BLTP1: variants seen among roughly 807,000 people sequenced by gnomAD.
BLTP1 encodes the protein fragile site-associated protein.
chr4:122,280,962 T>C, the BLTP1 span, among the ~76,000 whole-genome samples: 1 of 152,096 alleles, frequency 6.6e-6, no homozygotes, highest in African/African-American at 2.4e-5. Context: ...ATCAGTAGAG[T>C]GTAGTAGTTG....
the BLTP1 span, chr4:122,227,615 G>A: frequency 1.1e-5 from 3 of 277,804 alleles, no homozygotes; most frequent in South Asian, 1.4e-4. Context: ...TTGTTCTTCT[G>A]CTATACAAAT....
At chr4:122,242,766 A>G in the BLTP1 span, among the ~76,000 whole-genome samples, 1 of 152,186 alleles carries the variant, frequency 6.6e-6, no homozygotes, top group Admixed American at 6.5e-5. Context: ...CTTGCTTTTA[A>G]GTTTCAGTTA....
At chr4:122,332,855 C>G in the BLTP1 span, among the ~76,000 whole-genome samples, 5 of 118,252 alleles carry the variant, frequency 4.2e-5, no homozygotes, top group Non-Finnish European at 6.9e-5. Context: ...TGTTCAATTC[C>G]CACCTATGAG....
the BLTP1 span, chr4:122,309,592 C>G: frequency 1.1e-6 from 1 of 929,646 alleles, no homozygotes. Flanking sequence ...AGGGCTATTT[C>G]TAGTTACAGG....
chr4:122,296,524 A>G, the BLTP1 span, among the ~76,000 whole-genome samples: 1 of 152,366 alleles, frequency 6.6e-6, no homozygotes, highest in East Asian at 1.9e-4. Context: ...TGTTATTCCC[A>G]TTAAACTACC....
the BLTP1 span, chr4:122,356,524 G>T: frequency 8.0e-7 from 1 of 1,257,432 alleles, no homozygotes. Flanking sequence ...TTTCTTTACA[G>T]TTGCATTTCA....
the BLTP1 span, chr4:122,197,631 A>T: frequency 2.1e-5 from 4 of 190,668 alleles, no homozygotes; most frequent in Non-Finnish European, 3.9e-5. Flanking sequence ...CCTGTACCAG[A>T]CGTTTGGGCA....
chr4:122,199,795 C>G, the BLTP1 span: 1 of 386,932 alleles, frequency 2.6e-6, no homozygotes, highest in Non-Finnish European at 3.5e-6. Flanking sequence ...GTTTTCTAGC[C>G]CCGCTGGATT....
chr4:122,195,706 T>G, the BLTP1 span: 1 of 774,906 alleles, frequency 1.3e-6, no homozygotes, highest in African/African-American at 1.9e-5. Flanking sequence ...TTCTCTATCC[T>G]TAATATTCTT....
the BLTP1 span, chr4:122,222,837 G>A: frequency 9.5e-6 from 2 of 210,982 alleles, no homozygotes; most frequent in African/African-American, 4.7e-5. Flanking sequence ...CAGGGCTTCA[G>A]ACTTGAACAT....
chr4:122,192,454 C>A, the BLTP1 span: 2 of 1,007,556 alleles, frequency 2.0e-6, no homozygotes, highest in South Asian at 2.0e-5. Flanking sequence ...TAAAAGCTAG[C>A]TTAAAATTTT....
the BLTP1 span, among the ~76,000 whole-genome samples, chr4:122,330,257 C>G: frequency 2.0e-5 from 3 of 151,784 alleles, no homozygotes; most frequent in African/African-American, 7.3e-5. Flanking sequence ...AGTGGGATCT[C>G]TGGATCATGT....
At chr4:122,166,370 G>A in the BLTP1 span, among the ~76,000 whole-genome samples, 5 of 152,306 alleles carry the variant, frequency 3.3e-5, no homozygotes, top group South Asian at 8.3e-4. Flanking sequence ...GTTTGTCAAA[G>A]TTCAAATAGT....
At chr4:122,265,842 C>G in the BLTP1 span, among the ~76,000 whole-genome samples, 2 of 151,930 alleles carry the variant, frequency 1.3e-5, no homozygotes, top group African/African-American at 4.8e-5. Context: ...GGAATACAGG[C>G]ACCCGCCACT....
the BLTP1 span, chr4:122,263,205 G>T: frequency 1.0e-6 from 1 of 985,018 alleles, no homozygotes; most frequent in African/African-American, 1.7e-5. Context: ...GAATGTCAAT[G>T]TAGGCATTTG....
the BLTP1 span, chr4:122,250,420 T>G: frequency 1.2e-6 from 2 of 1,613,854 alleles, no homozygotes; most frequent in East Asian, 4.5e-5. Flanking sequence ...GTAAAGCTAG[T>G]GACACAGAAA....
At chr4:122,173,652 T>G in the BLTP1 span, among the ~76,000 whole-genome samples, 2 of 152,210 alleles carry the variant, frequency 1.3e-5, no homozygotes, top group Non-Finnish European at 2.9e-5. Flanking sequence ...GAAATTTACC[T>G]TTGTTTCATG....
At chr4:122,217,871 A>T in the BLTP1 span, among the ~76,000 whole-genome samples, 1 of 152,006 alleles carries the variant, frequency 6.6e-6, no homozygotes, top group Non-Finnish European at 1.5e-5. Context: ...ATTTTTAAAA[A>T]TTACTTTTTC....
At chr4:122,285,708 A>G in the BLTP1 span, among the ~76,000 whole-genome samples, 8 of 152,214 alleles carry the variant, frequency 5.3e-5, no homozygotes, top group Admixed American at 3.3e-4. Flanking sequence ...TAAATAGGCA[A>G]TTTGATGATG....
Sources: allele counts gnomAD v4.1 joint callset (sites outside exome capture counted in the v4.1 genomes callset), GRCh38; gene constraint gnomAD v4.1.1; transcripts MANE v1.5; gene names NCBI Gene and HGNC (gene_info 2026-07-23, HGNC 2026-07-21).